The following SIPA1L1 variants were observed in gnomAD, a reference collection of about 807,000 sequenced individuals.
SIPA1L1 encodes the protein signal induced proliferation associated 1 like 1, also known as signal-induced proliferation-associated 1-like protein 1.
SIPA1L1 carries 26 observed loss-of-function variants against 162.7 expected under a neutral mutation model. The observed-to-expected ratio is 0.16, with a 90% CI of 0.12 to 0.22. The LOEUF is 0.22. Among genes scored for constraint, SIPA1L1 ranks in the 10% least tolerant of loss-of-function variants. SIPA1L1 has a pLI of 1.00. For synonymous variants in SIPA1L1, 829 were observed against 837.4 expected (o/e 0.99, Z 0.17); for missense variants, 1,874 against 2,241.0 (o/e 0.84, Z 3.31).
intron 2 of SIPA1L1, among the ~76,000 whole-genome samples, chr14:71,464,880 C>T (rs781729074): frequency 2.0e-5 from 3 of 152,142 alleles, no homozygotes; most frequent in Non-Finnish European, 2.9e-5. Flanking sequence ...CTTCTAGGGG[C>T]CCGCCGGGAC....
intron 2 of SIPA1L1, among the ~76,000 whole-genome samples, chr14:71,371,643 A>G (rs951170359): frequency 6.6e-6 from 1 of 152,080 alleles, no homozygotes; most frequent in Non-Finnish European, 1.5e-5. Context: ...CAAGTGATCC[A>G]CCTGCCTCTG....
intron 4 of SIPA1L1, among the ~76,000 whole-genome samples, chr14:71,548,514 A>C (rs2146139148): frequency 6.6e-6 from 1 of 152,310 alleles, no homozygotes; most frequent in African/African-American, 2.4e-5. Context: ...ACTTTGAATC[A>C]ACAGAAAAAT....
At chr14:71,457,600 A>AT (rs111424697) in intron 2 of SIPA1L1, among the ~76,000 whole-genome samples, 32 of 135,894 alleles carry the variant, frequency 2.4e-4, no homozygotes, top group African/African-American at 4.1e-4. Flanking sequence ...CCCAGCCGAC[A>AT]TTTTTTTTTT....
intron 2 of SIPA1L1, among the ~76,000 whole-genome samples, chr14:71,423,270 T>C (rs2043317159): frequency 6.6e-6 from 1 of 152,168 alleles, no homozygotes; most frequent in Non-Finnish European, 1.5e-5. Context: ...CCATTCTGTG[T>C]GTTGCCTTTT....
intron 4 of SIPA1L1, among the ~76,000 whole-genome samples, chr14:71,533,828 C>T (rs1284053549): frequency 6.6e-6 from 1 of 152,146 alleles, no homozygotes; most frequent in Admixed American, 6.6e-5. Flanking sequence ...TAAAATATTT[C>T]ATCAGTCAGT....
intron 2 of SIPA1L1, among the ~76,000 whole-genome samples, chr14:71,472,113 G>A (rs1226216847): frequency 6.6e-6 from 1 of 152,146 alleles, no homozygotes; most frequent in African/African-American, 2.4e-5. Flanking sequence ...CGAAGTGCAT[G>A]GATGCCCACC....
intron 2 of SIPA1L1, among the ~76,000 whole-genome samples, chr14:71,412,703 C>T (rs944690121): frequency 3.3e-5 from 5 of 152,172 alleles, no homozygotes; most frequent in African/African-American, 1.2e-4. Context: ...CTACTAAGTT[C>T]TGATGATTTT....
intron 10 of SIPA1L1, among the ~76,000 whole-genome samples, chr14:71,668,491 C>T (rs2044228116): frequency 6.6e-6 from 1 of 152,184 alleles, no homozygotes; most frequent in Non-Finnish European, 1.5e-5. Context: ...CCTTCCTGGT[C>T]GCTCAGTGTA....
At chr14:71,733,300 G>A (rs2084973056) in intron 20 of SIPA1L1, among the ~76,000 whole-genome samples, 1 of 152,172 alleles carries the variant, frequency 6.6e-6, no homozygotes, top group Non-Finnish European at 1.5e-5. Context: ...GTTGAAGTAG[G>A]CCTCTTCTTC....
chr14:71,352,295 G>A (rs2036798542), intron 2 of SIPA1L1, among the ~76,000 whole-genome samples: 1 of 151,984 alleles, frequency 6.6e-6, no homozygotes, highest in Non-Finnish European at 1.5e-5. Context: ...TCCCACCTCA[G>A]CCTCCTGAGT....
intron 7 of SIPA1L1, among the ~76,000 whole-genome samples, chr14:71,648,949 A>G (rs1400320406): frequency 1.3e-5 from 2 of 152,210 alleles, no homozygotes; most frequent in Non-Finnish European, 2.9e-5. Flanking sequence ...CATCTGTCAA[A>G]CAGGGGTAAT....
chr14:71,727,241 G>A (rs1411012338), intron 19 of SIPA1L1, among the ~76,000 whole-genome samples: 1 of 152,078 alleles, frequency 6.6e-6, no homozygotes, highest in Non-Finnish European at 1.5e-5. Flanking sequence ...GCTTCGTGTG[G>A]CTCCAGTATT....
chr14:71,719,881 C>T (rs886084867), intron 17 of SIPA1L1, among the ~76,000 whole-genome samples: 10 of 152,152 alleles, frequency 6.6e-5, no homozygotes, highest in African/African-American at 9.7e-5. Context: ...CCAAGTTTCC[C>T]GTGTTGGCAT....
chr14:71,598,202 A>G, intron 5 of SIPA1L1: 1 of 985,428 alleles, frequency 1.0e-6, no homozygotes, highest in Non-Finnish European at 1.2e-6. Flanking sequence ...CCCCACAGGC[A>G]CAAAACGCCA....
intron 4 of SIPA1L1, among the ~76,000 whole-genome samples, chr14:71,546,376 C>CTTTTTTTTTTTTTT (rs11480749): frequency 6.0e-5 from 7 of 116,932 alleles, no homozygotes; most frequent in African/African-American, 9.8e-5. Context: ...CTTTTTCTTT[C>CTTTTTTTTTTTTTT]TTTTTTTTTT....
At chr14:71,380,368 A>T (rs1335773766) in intron 2 of SIPA1L1, among the ~76,000 whole-genome samples, 1 of 152,230 alleles carries the variant, frequency 6.6e-6, no homozygotes, top group Non-Finnish European at 1.5e-5. Context: ...TCCCAGATAC[A>T]GTCCTGCATG....
chr14:71,672,876 CAGAT>C (rs754338342), intron 12 of SIPA1L1, among the ~76,000 whole-genome samples: 1 of 152,218 alleles, frequency 6.6e-6, no homozygotes, highest in African/African-American at 2.4e-5. Flanking sequence ...GTTGCCATGA[CAGAT>C]AGAGAAGTCT....
At chr14:71,654,727 A>G (rs1310458030) in intron 8 of SIPA1L1, among the ~76,000 whole-genome samples, 1 of 152,188 alleles carries the variant, frequency 6.6e-6, no homozygotes, top group African/African-American at 2.4e-5. Flanking sequence ...TTTACTTATT[A>G]ATTAAAGCTC....
At chr14:71,471,325 C>T (rs983706210) in intron 2 of SIPA1L1, among the ~76,000 whole-genome samples, 11 of 152,078 alleles carry the variant, frequency 7.2e-5, no homozygotes, top group South Asian at 2.1e-4. Context: ...GAAAATTAGT[C>T]GGGCGTGGTG....
Sources: allele counts gnomAD v4.1 joint callset (sites outside exome capture counted in the v4.1 genomes callset), GRCh38; gene constraint gnomAD v4.1.1; transcripts MANE v1.5; gene names NCBI Gene and HGNC (gene_info 2026-07-23, HGNC 2026-07-21).